Variants in ADAMTS15 observed in about 807,000 individuals in gnomAD.
The protein encoded by ADAMTS15 is A disintegrin and metalloproteinase with thrombospondin motifs 15.
In ADAMTS15, 35 loss-of-function variants were observed where a neutral mutation model predicts 79.1. The ratio of observed to expected loss-of-function variants is 0.44; its 90% confidence interval spans 0.34 to 0.59. The LOEUF (loss-of-function observed/expected upper bound fraction) is 0.59, where lower values mean the gene tolerates loss of function less well. Ranked by LOEUF, ADAMTS15 falls within the 20% of genes least tolerant of loss-of-function variation. The probability of loss-of-function intolerance (pLI) is 0.02; values close to 1 mark genes in which losing one functional copy is unlikely to be tolerated. For missense variants in ADAMTS15, 1,324 were observed against 1,318.7 expected (o/e 1.00, Z -0.06); for synonymous variants, 616 against 567.3 (o/e 1.09, Z -1.22).
In ADAMTS15 at chr11:130,449,437, A is replaced by G. The variant is rs1326018795; in HGVS notation, c.464A>G (p.His155Arg). 2 of 1,589,724 alleles carry G rather than the reference A, an allele frequency of 1.3e-6. No individual in the cohort carries two copies. The highest frequency in any genetic ancestry group is 3.4e-5 in the Admixed American group (2 of 59,422). Residue 155 changes from histidine (H) to arginine (R), a missense_variant, in exon 1 of 8, where the codon CAC becomes CGC. Transcript: ENST00000299164. This position sits in a 1 kb window ranked among gnomAD's most constrained non-coding sequence, Gnocchi z 7.8. ...PAAQRNSQGA[H>R]LLQRRGVPGG... ...GCGCAGCGCAACAGCCAGGGCGCACACCTTCTCCAGCGCCGGGGTGTTCCG... is the reference window on the plus strand; with the variant it reads ...GCGCAGCGCAACAGCCAGGGCGCACGCCTTCTCCAGCGCCGGGGTGTTCCG...
Position 130,473,756 on chromosome 11 carries a change from C to A in ADAMTS15, c.2788C>A (p.Arg930=). ...CVGHGGRLLA[R]DQCNLHRKPQ... is the part of the protein sequence containing the mutation. Reference sequence around the variant, plus strand: ...GGGCCACGGAGGCCGGCTGCTGGCCCGGGACCAGTGCAACTTGCACCGCAA... The same window carrying A: ...GGGCCACGGAGGCCGGCTGCTGGCCAGGGACCAGTGCAACTTGCACCGCAA... Residue 930 remains arginine, a synonymous_variant, in exon 8 of 8, where the codon CGG becomes AGG. Transcript: ENST00000299164. 6.3e-7 allele frequency: 1 copy of A among 1,599,294 alleles called. No individual in the cohort carries two copies. Among genetic ancestry groups the A allele is most frequent in the African/African-American group, 1.3e-5 (1 of 75,052 alleles).
intron 1 of ADAMTS15, among the ~76,000 whole-genome samples, chr11:130,460,277 G>GTTTT (rs200642180): frequency 7.0e-6 from 1 of 143,828 alleles, no homozygotes. Context: ...CACATCTTCT[G>GTTTT]TTTTTTTTTT....
rs1938218628 is a variant in ADAMTS15, at chr11:130,462,362, C to A, written c.1258+108C>A. ...GTCCTCTGTACATTAGGTGTGTGTG[C>A]CCCCTCGGAGCCGGGCTCTGACATG... On this transcript the variant is annotated intron_variant, in intron 3 of 7. Transcript: ENST00000299164. This position sits in a 1 kb window ranked among gnomAD's most constrained non-coding sequence, Gnocchi z 4.3. The A allele has an allele frequency of 6.7e-7, 1 of 1,482,614 alleles. No homozygotes were observed. Among genetic ancestry groups the A allele is most frequent in the Non-Finnish European group, 9.0e-7 (1 of 1,107,020 alleles). The allele number at this position is 1,482,614 out of a possible 1,614,324, so 91.8% of individuals were successfully genotyped here.
At chr11:130,468,117 C>T (rs11600748) in intron 4 of ADAMTS15, among the ~76,000 whole-genome samples, 52,625 of 152,106 alleles carry the variant, frequency 0.35, 9,658 homozygotes, top group Middle Eastern at 0.44. Context: ...CTTTTATTCC[C>T]GGCAAGCTGT....
chr11:130,454,386 G>A (rs1382913484), intron 1 of ADAMTS15, among the ~76,000 whole-genome samples: 1 of 152,188 alleles, frequency 6.6e-6, no homozygotes, highest in African/African-American at 2.4e-5. Context: ...GCGCAGAGCG[G>A]AACAGCATTC....
At chr11:130,470,207 T>TATATATATACAC (rs1204201965) in intron 5 of ADAMTS15, among the ~76,000 whole-genome samples, 1 of 60,228 alleles carries the variant, frequency 1.7e-5, no homozygotes, top group African/African-American at 1.0e-4. Context: ...TATATATATA[T>TATATATATACAC]ATGTATATAT....
At chr11:130,450,062 A>G (rs1386222464) in intron 1 of ADAMTS15, 132 bp downstream of exon 1, 23 of 1,470,810 alleles carry the variant, frequency 1.6e-5, no homozygotes, top group South Asian at 7.2e-5. Flanking sequence ...TCCGACTCCA[A>G]CTCTGTGGAG....
chr11:130,455,960 G>A (rs374202423), intron 1 of ADAMTS15, among the ~76,000 whole-genome samples: 4 of 152,186 alleles, frequency 2.6e-5, no homozygotes, highest in African/African-American at 4.8e-5. Flanking sequence ...TTCTTGGGGC[G>A]ATATGCACCA....
chr11:130,470,166 A>ATG (rs1938408353), intron 5 of ADAMTS15, among the ~76,000 whole-genome samples: 10 of 57,582 alleles, frequency 1.7e-4, no homozygotes, highest in East Asian at 7.0e-4. Flanking sequence ...ATATATATAT[A>ATG]TATATATATA....
rs779007056 is a variant in ADAMTS15 at position 130,471,395 on chromosome 11, G to A, written c.2078+12G>A. The A allele has an allele frequency of 3.8e-5, 61 of 1,597,042 alleles. 1 individual carries two copies. In the East Asian group the frequency reaches 1.3e-3, roughly 34 times the overall value. On this transcript the variant is annotated intron_variant, in intron 7 of 7. Transcript: ENST00000299164. ...TTCACCAAGCCCATGTGAGTTCTGGGCCCTGAAGGTCCTGCCAGGGAGCAA... is the reference window on the plus strand; with the variant it reads ...TTCACCAAGCCCATGTGAGTTCTGGACCCTGAAGGTCCTGCCAGGGAGCAA...
At position 130,473,839 on chromosome 11, in the gene ADAMTS15, T is replaced by TC. The variant is rs760163224; in HGVS notation, c.*23dup. On this transcript the variant is annotated 3_prime_UTR_variant, in exon 8 of 8. Coordinates refer to ENST00000299164, the MANE Select transcript of ADAMTS15 (RefSeq NM_139055.4). Reference sequence around the variant, plus strand: ...CGTGCTGAGTGGGGTCATCGCTTTCTCCCCCTCACTCTCCACCCCACTGAT... The same window carrying TC: ...CGTGCTGAGTGGGGTCATCGCTTTCTCCCCCCTCACTCTCCACCCCACTGAT... The TC allele has an allele frequency of 8.3e-6, 13 of 1,571,980 alleles. No individual in the cohort carries two copies. In the South Asian group the frequency reaches 1.5e-4, roughly 18 times the overall value.
Position 130,450,469 on chromosome 11 carries a change from GGAGGGAATCATTGA to G in ADAMTS15, c.957+543_957+556del, listed in dbSNP as rs1937941512. 4.1e-6 allele frequency: 4 copies of G among 982,258 alleles called. No homozygotes were observed. The South Asian group carries it at 1.9e-4, about 46-fold the overall frequency. 60.8% of individuals were successfully genotyped at this position (982,258 alleles called of 1,614,324 possible). On this transcript the variant is annotated intron_variant, in intron 1 of 7. Coordinates refer to ENST00000299164, the MANE Select transcript of ADAMTS15 (RefSeq NM_139055.4). Reference sequence around the variant, plus strand: ...GGGCCTGGAAAGCCTGGATTGGGGTGGAGGGAATCATTGAGAGATTTTGTGGGTTGCAGTGACAG... The same window carrying G: ...GGGCCTGGAAAGCCTGGATTGGGGTGGAGATTTTGTGGGTTGCAGTGACAG...
Position 130,470,206 on chromosome 11 carries a change from A to ATATG in ADAMTS15, c.1721-710_1721-707dup, listed in dbSNP as rs1565397933. On this transcript the variant is annotated intron_variant, in intron 5 of 7. Coordinates refer to ENST00000299164, the MANE Select transcript of ADAMTS15 (RefSeq NM_139055.4). ...TGTGTGTATATATATATATATATAT[A>ATATG]TATGTATATATATATATATTTTCTG... Among the ~76,000 whole-genome samples the ATATG allele has an allele frequency of 7.0e-4, 45 of 64,010 alleles. 1 individual carries two copies. Among genetic ancestry groups the ATATG allele is most frequent in the South Asian group, 2.7e-3 (6 of 2,254 alleles). 42.0% of individuals were successfully genotyped at this position (64,010 alleles called of 152,430 possible).
chr11:130,448,869 G>A lies in ADAMTS15; in HGVS notation c.-105G>A, dbSNP rs1937887532. ...CTTTCTGGGAACTGCCGGCTGTCCC[G>A]TAGCGTTGGCGGTTCCAGAGTGCGG... On this transcript the variant is annotated 5_prime_UTR_variant, in exon 1 of 8. Coordinates refer to ENST00000299164, the MANE Select transcript of ADAMTS15 (RefSeq NM_139055.4). The A allele has an allele frequency of 5.8e-6, 5 of 859,218 alleles. No homozygotes were observed. Among genetic ancestry groups the A allele is most frequent in the Non-Finnish European group, 6.4e-6 (4 of 622,450 alleles). The allele number at this position is 859,218 out of a possible 1,614,324, so 53.2% of individuals were successfully genotyped here.
intron 5 of ADAMTS15, among the ~76,000 whole-genome samples, chr11:130,470,372 A>G (rs1293813197): frequency 2.6e-5 from 4 of 151,096 alleles, no homozygotes; most frequent in Admixed American, 1.3e-4. Flanking sequence ...GCCTGCCACC[A>G]TGCCCAGCTA....
At chr11:130,467,096 C>T (rs77405134) in intron 4 of ADAMTS15, among the ~76,000 whole-genome samples, 2,694 of 152,186 alleles carry the variant, frequency 0.018, 82 homozygotes, top group African/African-American at 0.06. Flanking sequence ...TGGCACAGGG[C>T]GGGAGCACAG....
intron 4 of ADAMTS15, among the ~76,000 whole-genome samples, chr11:130,464,011 CAG>C (rs999850905): frequency 6.6e-6 from 1 of 152,160 alleles, no homozygotes; most frequent in Admixed American, 6.5e-5. Flanking sequence ...TAGGCAGAAA[CAG>C]AGCAAGGCAA....
chr11:130,463,096 T>G (rs1332910744), intron 4 of ADAMTS15, among the ~76,000 whole-genome samples: 1 of 152,222 alleles, frequency 6.6e-6, no homozygotes, highest in African/African-American at 2.4e-5. Flanking sequence ...GGAGGAGCTC[T>G]GGGCTCAAAA....
chr11:130,473,010 C>A lies in ADAMTS15; in HGVS notation c.2079-37C>A, dbSNP rs772959152. On this transcript the variant is annotated intron_variant, in intron 7 of 7. Transcript: ENST00000299164. ...GGAGCATAAGGTCCTCAGGTCCAGG[C>A]TTCTATCTGATGCACGGCCCCCCTT... The A allele has an allele frequency of 5.0e-6, 8 of 1,605,796 alleles. No homozygotes were observed. The South Asian group carries it at 8.9e-5, about 18-fold the overall frequency.
Sources: allele counts gnomAD v4.1 joint callset (sites outside exome capture counted in the v4.1 genomes callset), GRCh38; gene constraint gnomAD v4.1.1; non-coding constraint Gnocchi (gnomAD v3.1); transcripts MANE v1.5; gene names NCBI Gene and HGNC (gene_info 2026-07-23, HGNC 2026-07-21).